Variants in VWA8 observed in about 807,000 individuals in gnomAD.
The protein encoded by VWA8 is von Willebrand factor A domain containing 8, also known as von Willebrand factor A domain-containing protein 8.
In VWA8, 221 loss-of-function variants were observed where a neutral mutation model predicts 241.5. That is an observed-to-expected ratio of 0.91 (90% confidence interval 0.82 to 1.02). The LOEUF is 1.02. Ranked by LOEUF, VWA8 falls within the 50% of genes least tolerant of loss-of-function variation. VWA8 has a pLI of 0.00. For missense variants in VWA8, 2,322 were observed against 2,328.7 expected (o/e 1.00, Z 0.06); for synonymous variants, 852 against 827.1 (o/e 1.03, Z -0.52).
chr13:41,733,087 C>G (rs1185889169), intron 21 of VWA8, among the ~76,000 whole-genome samples: 3 of 152,174 alleles, frequency 2.0e-5, no homozygotes, highest in African/African-American at 7.2e-5. Flanking sequence ...GTTGTTTTGA[C>G]TATCTACTAT....
At chr13:41,689,784 C>A (rs1011071556) in intron 33 of VWA8, among the ~76,000 whole-genome samples, 2 of 151,652 alleles carry the variant, frequency 1.3e-5, no homozygotes, top group Non-Finnish European at 2.9e-5. Context: ...AAAAACTGAC[C>A]CAACCAAGGG....
intron 21 of VWA8, among the ~76,000 whole-genome samples, chr13:41,750,129 T>C (rs1024336057): frequency 3.3e-5 from 5 of 152,130 alleles, no homozygotes; most frequent in Non-Finnish European, 7.4e-5. Flanking sequence ...AGGTTCACCA[T>C]TCCAGATCCC....
intron 14 of VWA8, among the ~76,000 whole-genome samples, chr13:41,829,554 CACACACACACACAT>C (rs1304242927): frequency 1.4e-5 from 2 of 144,216 alleles, no homozygotes; most frequent in African/African-American, 2.5e-5. Context: ...CACACACACA[CACACACACACACAT>C]GCACACACAC....
intron 31 of VWA8, 99 bp downstream of exon 31, chr13:41,691,775 G>A (rs1012081493): frequency 2.6e-5 from 24 of 923,448 alleles, no homozygotes; most frequent in Non-Finnish European, 3.2e-5. Context: ...TTCATAATTT[G>A]GTTACATTCA....
intron 37 of VWA8, among the ~76,000 whole-genome samples, chr13:41,624,165 T>C (rs2044674333): frequency 6.6e-6 from 1 of 152,106 alleles, no homozygotes; most frequent in African/African-American, 2.4e-5. Context: ...TGTTCAGAAA[T>C]TGAATCAGTA....
chr13:41,573,830 C>T lies in VWA8; in HGVS notation c.5370+1910G>A, dbSNP rs199664055. ...AGAGATGGGATTTCGCCAGGTTGGC[C>T]GGGCTGGTATCGAGCTCCTGGCCTC... is the stretch of plus-strand genomic sequence containing the variant. On this transcript the variant is annotated intron_variant, in intron 43 of 44. Transcript: ENST00000379310. Among the ~76,000 whole-genome samples, 17 of 151,942 alleles carry T rather than the reference C, an allele frequency of 1.1e-4. No individual in the cohort carries two copies. The East Asian group carries it at 2.3e-3, about 21-fold the overall frequency.
intron 2 of VWA8, among the ~76,000 whole-genome samples, chr13:41,921,457 G>T (rs760663716): frequency 1.2e-4 from 19 of 152,148 alleles, no homozygotes; most frequent in Non-Finnish European, 2.6e-4. Context: ...GCAGGAGAAA[G>T]AAATTAAGGG....
chr13:41,885,739 G>A (rs1352628776), intron 8 of VWA8, among the ~76,000 whole-genome samples, 181 bp downstream of exon 8: 1 of 152,212 alleles, frequency 6.6e-6, no homozygotes, highest in Non-Finnish European at 1.5e-5. Flanking sequence ...CTCTTTAGGG[G>A]CTCAGAACAT....
intron 30 of VWA8, among the ~76,000 whole-genome samples, 171 bp from the exon 31 acceptor site, chr13:41,692,109 A>G (rs930982746): frequency 6.6e-6 from 1 of 152,104 alleles, no homozygotes; most frequent in African/African-American, 2.4e-5. Context: ...AATGGATTAA[A>G]CTATATATCA....
rs1407128701 is a variant in VWA8 at position 41,719,467 on chromosome 13, T to C, written c.3116+124A>G. The C allele has an allele frequency of 5.8e-6, 9 of 1,540,160 alleles. No homozygotes were observed. The East Asian group carries it at 1.9e-4, about 32-fold the overall frequency. ...AAAGCAGCCAGCAAACAGCAACATATACATGTATTTGAAAAGCTTACTCAT... is the reference window on the plus strand; with the variant it reads ...AAAGCAGCCAGCAAACAGCAACATACACATGTATTTGAAAAGCTTACTCAT... On this transcript the variant is annotated intron_variant, in intron 26 of 44. Coordinates refer to ENST00000379310, the MANE Select transcript of VWA8 (RefSeq NM_015058.2).
At chr13:41,702,754 G>T (rs1419624004) in intron 27 of VWA8, among the ~76,000 whole-genome samples, 1 of 152,208 alleles carries the variant, frequency 6.6e-6, no homozygotes, top group African/African-American at 2.4e-5. Context: ...CTGCTCTACT[G>T]TGCTGCCCTC....
At chr13:41,940,246 A>C (rs1877531782) in intron 2 of VWA8, among the ~76,000 whole-genome samples, 1 of 152,168 alleles carries the variant, frequency 6.6e-6, no homozygotes, top group Non-Finnish European at 1.5e-5. Context: ...TTTATGTTTC[A>C]CTTGAAAAGT....
At chr13:41,710,095 A>G in intron 26 of VWA8, among the ~76,000 whole-genome samples, 1 of 152,160 alleles carries the variant, frequency 6.6e-6, no homozygotes, top group East Asian at 1.9e-4. Flanking sequence ...ATGCTTGGTT[A>G]TATTATAACT....
chr13:41,686,638 G>A (rs1301393325), intron 34 of VWA8, among the ~76,000 whole-genome samples: 2 of 151,722 alleles, frequency 1.3e-5, no homozygotes, highest in East Asian at 3.9e-4. Context: ...CTTCCTTTCA[G>A]TATCTGTAAT....
chr13:41,877,608 G>A lies in VWA8; in HGVS notation c.1080+5779C>T, dbSNP rs1333048538. Among the ~76,000 whole-genome samples the A allele has an allele frequency of 2.0e-5, 3 of 151,966 alleles. No homozygotes were observed. The East Asian group carries it at 5.8e-4, about 29-fold the overall frequency. ...TAAAAATACTAAATGTAAGATCCAAGTTTCTTAGAAAAAAACTATGGCTCA... is the reference window on the plus strand; with the variant it reads ...TAAAAATACTAAATGTAAGATCCAAATTTCTTAGAAAAAAACTATGGCTCA... On this transcript the variant is annotated intron_variant, in intron 9 of 44. Coordinates refer to ENST00000379310, the MANE Select transcript of VWA8 (RefSeq NM_015058.2).
chr13:41,778,558 C>T (rs1868723824), intron 19 of VWA8, among the ~76,000 whole-genome samples: 1 of 151,826 alleles, frequency 6.6e-6, no homozygotes, highest in Non-Finnish European at 1.5e-5. Flanking sequence ...AATAACAGAA[C>T]AAGATTAAGG....
At chr13:41,868,024 T>C (rs780450314) in intron 10 of VWA8, among the ~76,000 whole-genome samples, 3 of 152,188 alleles carry the variant, frequency 2.0e-5, no homozygotes, top group African/African-American at 4.8e-5. Context: ...TACTTGAAAA[T>C]AGGTCTCTGT....
rs971978038 is a variant in VWA8, at chr13:41,592,030, G to A, written c.4987-1265C>T. ...ACACATGCACACGTATGTTTATTGC[G>A]GCACTATTCACAATAGCAAAGTCTT... is the stretch of plus-strand genomic sequence containing the variant. On this transcript the variant is annotated intron_variant, in intron 40 of 44. Transcript: ENST00000379310. 5.3e-3 allele frequency among the ~76,000 whole-genome samples: 796 copies of A among 150,410 alleles called. 10 individuals carry two copies. Among genetic ancestry groups the A allele is most frequent in the African/African-American group, 0.019 (760 of 40,866 alleles).
intron 42 of VWA8, among the ~76,000 whole-genome samples, chr13:41,583,848 G>A (rs1175474977): frequency 6.6e-6 from 1 of 151,948 alleles, no homozygotes; most frequent in Non-Finnish European, 1.5e-5. Context: ...AATTATAAAA[G>A]ATATTTTTGG....
Sources: gnomAD v4.1 joint callset for allele counts (sites outside exome capture counted in the v4.1 genomes callset) on GRCh38, gnomAD v4.1.1 for gene constraint, MANE v1.5 for transcripts, NCBI Gene and HGNC (gene_info 2026-07-23, HGNC 2026-07-21) for gene names.